The following APBB2 variants were observed in gnomAD, a reference collection of about 807,000 sequenced individuals.
The protein encoded by APBB2 is Fe65-like 1.
In APBB2, 38 loss-of-function variants were observed where a neutral mutation model predicts 82.5. That is an observed-to-expected ratio of 0.46 (90% CI 0.36 to 0.60). The LOEUF (loss-of-function observed/expected upper bound fraction) is 0.60. Ranked by LOEUF, APBB2 falls within the 20% of genes least tolerant of loss-of-function variation. APBB2 has a pLI of 0.00. For synonymous variants in APBB2, 341 were observed against 368.2 expected, an observed-to-expected ratio of 0.93 and a Z score of 0.85; for missense variants, 772 against 972.3, an observed-to-expected ratio of 0.79 and a Z score of 2.74.
intron 2 of APBB2, among the ~76,000 whole-genome samples, chr4:41,123,824 A>T (rs1753587372): frequency 1.3e-5 from 2 of 152,138 alleles, no homozygotes; most frequent in South Asian, 4.2e-4. Context: ...CTGTCTCACA[A>T]AAAAAAACCA....
chr4:40,945,699 A>G (rs1197494068), intron 6 of APBB2, among the ~76,000 whole-genome samples: 1 of 151,700 alleles, frequency 6.6e-6, no homozygotes, highest in African/African-American at 2.4e-5. Flanking sequence ...TGCAAGCTCC[A>G]CCTCCCGGGT....
At chr4:40,967,900 C>T (rs1795047626) in intron 6 of APBB2, among the ~76,000 whole-genome samples, 1 of 152,182 alleles carries the variant, frequency 6.6e-6, no homozygotes, top group African/African-American at 2.4e-5. Context: ...ACAACAGCTA[C>T]CCATCAAGTG....
At chr4:41,118,738 C>T (rs1025287318) in intron 2 of APBB2, among the ~76,000 whole-genome samples, 2 of 152,082 alleles carry the variant, frequency 1.3e-5, no homozygotes, top group African/African-American at 4.8e-5. Flanking sequence ...TTAATTATAA[C>T]AAGCATACCA....
chr4:40,954,363 G>A lies in APBB2; in HGVS notation c.836-9290C>T, dbSNP rs7678989. 4.0e-3 allele frequency among the ~76,000 whole-genome samples: 615 copies of A among 152,292 alleles called. 5 individuals are homozygous for A. Among genetic ancestry groups the A allele is most frequent in the African/African-American group, 0.014 (570 of 41,554 alleles). On this transcript the variant is annotated intron_variant, in intron 6 of 17. Coordinates refer to ENST00000508593, the MANE Select transcript of APBB2 (RefSeq NM_004307.2). ...AACATTTGTGCACCCAGGGCTTTGG[G>A]TGTGAAAGGCACGGGGTGGAGAGGA...
Position 40,949,040 on chromosome 4 carries a change from A to G in APBB2, c.836-3967T>C, listed in dbSNP as rs559475835. 1.4e-3 allele frequency among the ~76,000 whole-genome samples: 216 copies of G among 152,290 alleles called. 1 individual carries two copies. The highest frequency in any genetic ancestry group is 4.9e-3 in the African/African-American group (205 of 41,562). ...ATGCCTATAATCCCATCACTTTGGA[A>G]GGCCGAGGCAGGTAGATCACTCAAG... On this transcript the variant is annotated intron_variant, in intron 6 of 17. Coordinates refer to ENST00000508593, the MANE Select transcript of APBB2 (RefSeq NM_004307.2).
chr4:40,945,048 A>G lies in APBB2; in HGVS notation c.861T>C (p.Phe287=). The part of the protein sequence containing the change: ...ETADIWSDHS[F]QTDPDLPPGW... Reference sequence around the variant, plus strand: ...CAGGCGGCAAATCTGGATCAGTCTGAAATGAGTGATCACTCCATATATCTG... The same window carrying G: ...CAGGCGGCAAATCTGGATCAGTCTGGAATGAGTGATCACTCCATATATCTG... Residue 287 remains phenylalanine, a synonymous_variant, in exon 7 of 18, where the codon TTT becomes TTC. Transcript: ENST00000508593. 1 of 1,588,216 alleles carries G rather than the reference A, an allele frequency of 6.3e-7. No individual in the cohort carries two copies.
chr4:40,922,775 T>C (rs1781585389), intron 10 of APBB2, among the ~76,000 whole-genome samples: 1 of 149,636 alleles, frequency 6.7e-6, no homozygotes, highest in African/African-American at 2.5e-5. Context: ...CACATCCAGC[T>C]AAATTTTGTA....
At chr4:41,083,863 A>G (rs2153938511) in intron 3 of APBB2, among the ~76,000 whole-genome samples, 1 of 152,228 alleles carries the variant, frequency 6.6e-6, no homozygotes, top group Non-Finnish European at 1.5e-5. Context: ...TTTCTGTACT[A>G]AGAATAAAAA....
chr4:41,090,204 T>A (rs926727781), intron 3 of APBB2, among the ~76,000 whole-genome samples: 1 of 152,212 alleles, frequency 6.6e-6, no homozygotes, highest in African/African-American at 2.4e-5. Context: ...GACAGAATCT[T>A]TCTTCTAAGA....
intron 12 of APBB2, among the ~76,000 whole-genome samples, chr4:40,889,633 T>C (rs558085333): frequency 6.4e-4 from 98 of 152,346 alleles, no homozygotes; most frequent in Non-Finnish European, 9.8e-4. Context: ...TGTAGACCAA[T>C]TACTTAACAA....
intron 1 of APBB2, among the ~76,000 whole-genome samples, chr4:41,200,738 CAACCA>C (rs1776496332): frequency 6.6e-6 from 1 of 152,172 alleles, no homozygotes; most frequent in South Asian, 2.1e-4. Flanking sequence ...GCTACAATTA[CAACCA>C]AATACAGGTA....
At chr4:41,116,610 G>A (rs879930931) in intron 2 of APBB2, among the ~76,000 whole-genome samples, 2 of 152,032 alleles carry the variant, frequency 1.3e-5, no homozygotes, top group Non-Finnish European at 2.9e-5. Flanking sequence ...CAACATGGGC[G>A]ACAAGAGCGA....
At chr4:40,848,723 G>A (rs1176685206) in intron 12 of APBB2, among the ~76,000 whole-genome samples, 16 of 122,856 alleles carry the variant, frequency 1.3e-4, no homozygotes, top group Non-Finnish European at 2.3e-4. Context: ...CCCCACCGCC[G>A]CAAACTCCCT....
intron 6 of APBB2, among the ~76,000 whole-genome samples, chr4:40,979,618 C>G (rs912833095): frequency 6.6e-6 from 1 of 152,154 alleles, no homozygotes; most frequent in African/African-American, 2.4e-5. Context: ...CCCATGCTGG[C>G]CCTGAAGAAG....
chr4:40,821,865 A>G lies in APBB2; in HGVS notation c.2112+6T>C. On this transcript the variant is annotated splice_donor_region_variant and intron_variant, in intron 17 of 17. Coordinates refer to ENST00000508593, the MANE Select transcript of APBB2 (RefSeq NM_004307.2). ...GGGCTCAACAGCCTGTACCGGGATA[A>G]CTCACCATGCAGGCGGCCTGCACCG... 1.2e-6 allele frequency: 2 copies of G among 1,612,412 alleles called. No individual in the cohort carries two copies. Among genetic ancestry groups the G allele is most frequent in the East Asian group, 4.5e-5 (2 of 44,878 alleles).
chr4:40,908,447 C>G (rs1430809337), intron 10 of APBB2, among the ~76,000 whole-genome samples: 3 of 152,152 alleles, frequency 2.0e-5, no homozygotes, highest in Admixed American at 1.3e-4. Context: ...CTTGCTGCCT[C>G]CTAGGTGCGG....
intron 3 of APBB2, among the ~76,000 whole-genome samples, chr4:41,083,575 C>A (rs1356882532): frequency 6.7e-6 from 1 of 149,016 alleles, no homozygotes; most frequent in Non-Finnish European, 1.5e-5. Context: ...ATAGTCGCAG[C>A]TACTCAGGAG....
At chr4:41,124,529 G>A (rs1329567308) in intron 2 of APBB2, among the ~76,000 whole-genome samples, 2 of 152,234 alleles carry the variant, frequency 1.3e-5, no homozygotes, top group African/African-American at 4.8e-5. Flanking sequence ...ATTTAAAAAT[G>A]TAAAAACCAT....
At chr4:40,931,138 T>C (rs1784129050) in intron 10 of APBB2, among the ~76,000 whole-genome samples, 1 of 152,176 alleles carries the variant, frequency 6.6e-6, no homozygotes, top group Non-Finnish European at 1.5e-5. Context: ...AAGGGTCATG[T>C]AAGGTGAGTA....
Sources: allele counts gnomAD v4.1 joint callset (sites outside exome capture counted in the v4.1 genomes callset), GRCh38; gene constraint gnomAD v4.1.1; transcripts MANE v1.5; gene names NCBI Gene and HGNC (gene_info 2026-07-23, HGNC 2026-07-21).